Variants in PTPRG observed in about 807,000 individuals in gnomAD.
PTPRG encodes the protein receptor-type tyrosine-protein phosphatase gamma.
In PTPRG, 102 loss-of-function variants were observed where a neutral mutation model predicts 165.3. The ratio of observed to expected loss-of-function variants is 0.62; its 90% CI spans 0.53 to 0.73. PTPRG has a LOEUF of 0.73. PTPRG is among the 30% of genes least tolerant of loss of function. The pLI is 0.00. For synonymous variants in PTPRG, 675 were observed against 669.5 expected (o/e 1.01, Z -0.13); for missense variants, 1,866 against 1,861.4 (o/e 1.00, Z -0.05).
At chr3:62,266,295 C>T (rs1391709938) in intron 17 of PTPRG, among the ~76,000 whole-genome samples, 1 of 152,084 alleles carries the variant, frequency 6.6e-6, no homozygotes, top group African/African-American at 2.4e-5. Flanking sequence ...TAAAATCAGA[C>T]CGTGAATGAG....
chr3:61,860,434 C>CTTTTTTTTT (rs766688465), intron 2 of PTPRG, among the ~76,000 whole-genome samples: 11 of 95,550 alleles, frequency 1.2e-4, no homozygotes, highest in African/African-American at 1.5e-4. Flanking sequence ...GTTTTTGTTC[C>CTTTTTTTTT]TTTTTTTTTT....
chr3:62,014,115 G>A (rs765989178), intron 4 of PTPRG, among the ~76,000 whole-genome samples: 11 of 152,172 alleles, frequency 7.2e-5, no homozygotes, highest in Admixed American at 1.3e-4. Flanking sequence ...TAGTGCCACC[G>A]TCACTCAGAA....
At chr3:61,938,326 C>T (rs763735266) in intron 2 of PTPRG, among the ~76,000 whole-genome samples, 9 of 148,542 alleles carry the variant, frequency 6.1e-5, no homozygotes, top group Non-Finnish European at 1.3e-4. Context: ...TGACCATAAA[C>T]TTTGAAAATG....
intron 4 of PTPRG, among the ~76,000 whole-genome samples, chr3:62,034,324 C>G (rs1699871864): frequency 6.6e-6 from 1 of 152,214 alleles, no homozygotes; most frequent in Non-Finnish European, 1.5e-5. Context: ...TATTTTAATT[C>G]TCACTGGAAA....
At chr3:61,601,245 G>C (rs900746956) in intron 1 of PTPRG, among the ~76,000 whole-genome samples, 5 of 152,168 alleles carry the variant, frequency 3.3e-5, no homozygotes, top group African/African-American at 1.2e-4. Context: ...GACAGACGGG[G>C]ACTCTGTCTC....
chr3:62,036,983 G>GCGCACGCGCACACACA (rs145992725), intron 4 of PTPRG, among the ~76,000 whole-genome samples: 1 of 150,456 alleles, frequency 6.6e-6, no homozygotes, highest in African/African-American at 2.4e-5. Flanking sequence ...GCGCGCGCAC[G>GCGCACGCGCACACACA]CACACACACA....
intron 1 of PTPRG, among the ~76,000 whole-genome samples, chr3:61,584,686 A>G (rs1023151860): frequency 3.3e-5 from 5 of 150,968 alleles, no homozygotes; most frequent in African/African-American, 1.2e-4. Context: ...TACCATCATC[A>G]TCTCTTTAAA....
intron 2 of PTPRG, among the ~76,000 whole-genome samples, chr3:61,859,404 T>G (rs1210243951): frequency 6.6e-6 from 1 of 152,156 alleles, no homozygotes; most frequent in Non-Finnish European, 1.5e-5. Flanking sequence ...CGGGTCTAAT[T>G]TTGAATTACC....
intron 2 of PTPRG, among the ~76,000 whole-genome samples, chr3:61,962,571 A>G (rs2040179111): frequency 1.3e-5 from 2 of 152,324 alleles, no homozygotes; most frequent in African/African-American, 4.8e-5. Context: ...CACATTCATG[A>G]AGCTTTTCTG....
chr3:61,906,722 A>G (rs768617733), intron 2 of PTPRG, among the ~76,000 whole-genome samples: 30 of 152,138 alleles, frequency 2.0e-4, no homozygotes, highest in African/African-American at 2.7e-4. Context: ...CAAGTCTGCA[A>G]TGTGTTGTAA....
At chr3:61,910,775 G>A (rs1036868353) in intron 2 of PTPRG, among the ~76,000 whole-genome samples, 3 of 152,156 alleles carry the variant, frequency 2.0e-5, no homozygotes, top group African/African-American at 7.2e-5. Context: ...CCCTGCCTCT[G>A]TTCGGTGCAG....
chr3:61,767,950 A>G (rs1219005494), intron 2 of PTPRG, among the ~76,000 whole-genome samples: 1 of 146,194 alleles, frequency 6.8e-6, no homozygotes, highest in Non-Finnish European at 1.5e-5. Context: ...AGCCTGGGTG[A>G]CAGAAAGCAA....
At chr3:61,573,030 T>G (rs1366746373) in intron 1 of PTPRG, among the ~76,000 whole-genome samples, 4 of 152,258 alleles carry the variant, frequency 2.6e-5, no homozygotes, top group Non-Finnish European at 1.5e-5. Flanking sequence ...TCAATCTTGC[T>G]TATGAAGCTG....
chr3:61,628,403 G>T (rs1343571004), intron 1 of PTPRG, among the ~76,000 whole-genome samples: 1 of 152,008 alleles, frequency 6.6e-6, no homozygotes, highest in Non-Finnish European at 1.5e-5. Flanking sequence ...TGCAGCCTCT[G>T]CCTCCTGGTT....
intron 5 of PTPRG, among the ~76,000 whole-genome samples, chr3:62,119,787 A>ATTTTTTTTTT (rs34842750): frequency 4.0e-3 from 450 of 111,400 alleles, no homozygotes; most frequent in Middle Eastern, 5.4e-3. Context: ...CGCCTGGCTA[A>ATTTTTTTTTT]TTTTTTTTTT....
chr3:62,073,463 T>C (rs935229642), intron 4 of PTPRG, among the ~76,000 whole-genome samples: 2 of 152,138 alleles, frequency 1.3e-5, no homozygotes, highest in African/African-American at 4.8e-5. Context: ...CTTGCTGATA[T>C]GATGCACGGA....
At chr3:61,695,474 A>G (rs987314497) in intron 1 of PTPRG, among the ~76,000 whole-genome samples, 1 of 152,166 alleles carries the variant, frequency 6.6e-6, no homozygotes, top group African/African-American at 2.4e-5. Context: ...AGTAGTTTCT[A>G]GGTCTCAATT....
intron 7 of PTPRG, among the ~76,000 whole-genome samples, chr3:62,161,263 T>C (rs151225435): frequency 9.7e-4 from 148 of 152,324 alleles, no homozygotes; most frequent in Non-Finnish European, 1.6e-3. Flanking sequence ...AGGTATTAAA[T>C]GATCACCAGC....
intron 4 of PTPRG, among the ~76,000 whole-genome samples, chr3:62,033,537 CCCA>C (rs2107787525): frequency 6.8e-6 from 1 of 146,180 alleles, no homozygotes; most frequent in East Asian, 2.1e-4. Flanking sequence ...TCTTCCCCCC[CCCA>C]CCCCCCACCA....
Sources: allele counts gnomAD v4.1 joint callset (sites outside exome capture counted in the v4.1 genomes callset), GRCh38; gene constraint gnomAD v4.1.1; transcripts MANE v1.5; gene names NCBI Gene and HGNC (gene_info 2026-07-23, HGNC 2026-07-21).